ANO3: variants seen among roughly 807,000 people sequenced by gnomAD.
ANO3 encodes the protein anoctamin-3.
A neutral mutation model predicts 144.8 loss-of-function variants in ANO3; 99 were observed. The observed-to-expected ratio is 0.68, with a 90% CI of 0.58 to 0.81. The LOEUF is 0.81. ANO3 is among the 30% of genes least tolerant of loss of function. ANO3 has a pLI of 0.00. For missense variants in ANO3, 905 were observed against 1,202.2 expected, an observed-to-expected ratio of 0.75 and a Z score of 3.66; for synonymous variants, 414 against 392.6, an observed-to-expected ratio of 1.05 and a Z score of -0.64.
At chr11:26,341,794 C>T (rs897757271) in intron 1 of ANO3, among the ~76,000 whole-genome samples, 5 of 152,156 alleles carry the variant, frequency 3.3e-5, no homozygotes, top group Non-Finnish European at 7.3e-5. Context: ...CCCTGGCAAA[C>T]CACTGGTGTA....
intron 1 of ANO3, among the ~76,000 whole-genome samples, chr11:26,270,329 G>T (rs2133835555): frequency 6.6e-6 from 1 of 152,198 alleles, no homozygotes; most frequent in Middle Eastern, 3.4e-3. Context: ...GAGGGTGGTA[G>T]AAACAATCTA....
intron 1 of ANO3, among the ~76,000 whole-genome samples, chr11:26,260,940 G>A (rs1464820319): frequency 6.6e-6 from 1 of 152,058 alleles, no homozygotes; most frequent in Non-Finnish European, 1.5e-5. Flanking sequence ...TGAGGCACAC[G>A]AACCCAGAAA....
intron 4 of ANO3, among the ~76,000 whole-genome samples, chr11:26,502,275 A>G (rs1861227792): frequency 6.6e-6 from 1 of 152,186 alleles, no homozygotes; most frequent in African/African-American, 2.4e-5. Context: ...ATCTCCTGAA[A>G]TGAATCAGTG....
At position 26,467,777 on chromosome 11, in the gene ANO3, C is replaced by A. The variant is rs564683161; in HGVS notation, c.432+4629C>A. 4.0e-5 allele frequency among the ~76,000 whole-genome samples: 6 copies of A among 151,338 alleles called. No homozygotes were observed. In the East Asian group the frequency reaches 7.8e-4, roughly 20 times the overall value. ...CAGATATTTCTTTTATAAAACTTTT[C>A]TTTAAGACCAATTTACTTTCTGTCT... On this transcript the variant is annotated intron_variant, in intron 4 of 26. Coordinates refer to ENST00000256737, the MANE Select transcript of ANO3 (RefSeq NM_031418.4).
intron 1 of ANO3, among the ~76,000 whole-genome samples, chr11:26,246,640 G>T (rs897281034): frequency 2.0e-5 from 3 of 149,440 alleles, no homozygotes; most frequent in Non-Finnish European, 2.9e-5. Context: ...TATAATAATT[G>T]ATATGGTTTG....
chr11:26,531,041 C>G (rs1332848586), intron 7 of ANO3, among the ~76,000 whole-genome samples, 164 bp from the exon 8 acceptor site: 2 of 152,006 alleles, frequency 1.3e-5, no homozygotes, highest in Non-Finnish European at 2.9e-5. Context: ...CTATTTTCTT[C>G]TTTTGTGTGG....
At chr11:26,347,665 G>A (rs1255108652) in intron 1 of ANO3, among the ~76,000 whole-genome samples, 2 of 152,108 alleles carry the variant, frequency 1.3e-5, no homozygotes, top group Non-Finnish European at 1.5e-5. Flanking sequence ...ATTCTTTAAG[G>A]ACAGGGTGGT....
At chr11:26,562,400 T>G (rs951066351) in intron 14 of ANO3, among the ~76,000 whole-genome samples, 2 of 151,760 alleles carry the variant, frequency 1.3e-5, no homozygotes, top group African/African-American at 4.8e-5. Flanking sequence ...GTGACAAGAA[T>G]CCCTTGTGCA....
chr11:26,564,718 C>A lies in ANO3; in HGVS notation c.1447+4939C>A, dbSNP rs1401537002. Among the ~76,000 whole-genome samples the A allele has an allele frequency of 2.7e-5, 2 of 74,924 alleles. 1 individual carries two copies. The highest frequency in any genetic ancestry group is 5.2e-5 in the Non-Finnish European group (2 of 38,750). 49.2% of individuals were successfully genotyped at this position (74,924 alleles called of 152,430 possible). A position where few individuals can be genotyped will look rare whatever the true frequency, so the allele number is the denominator to read the frequency against. On this transcript the variant is annotated intron_variant, in intron 14 of 26. Coordinates refer to ENST00000256737, the MANE Select transcript of ANO3 (RefSeq NM_031418.4). The stretch of plus-strand genomic sequence containing the variant: ...ACACACACACACACACACACACACA[C>A]ACACACACACACACATATATATATA...
intron 1 of ANO3, among the ~76,000 whole-genome samples, chr11:26,284,034 G>T (rs1331513951): frequency 6.6e-6 from 1 of 152,110 alleles, no homozygotes; most frequent in African/African-American, 2.4e-5. Context: ...GGGTGTGTAG[G>T]TGGGTGGTAT....
In ANO3 at chr11:26,332,198, G is replaced by A. The variant is rs1855066024; in HGVS notation, c.-78G>A. On this transcript the variant is annotated 5_prime_UTR_variant, in exon 1 of 27. Coordinates refer to ENST00000256737, the MANE Select transcript of ANO3 (RefSeq NM_031418.4). Reference sequence around the variant, plus strand: ...GCTCGCTGAGGCTCCGGACCTTGGAGCGTCTAGAGTCTGGCTACTGTTCCT... The same window carrying A: ...GCTCGCTGAGGCTCCGGACCTTGGAACGTCTAGAGTCTGGCTACTGTTCCT... 8 of 1,613,254 alleles carry A rather than the reference G, an allele frequency of 5.0e-6. No individual in the cohort carries two copies. Among genetic ancestry groups the A allele is most frequent in the Non-Finnish European group, 6.8e-6 (8 of 1,179,612 alleles).
chr11:26,476,555 G>A (rs757076379), intron 4 of ANO3, among the ~76,000 whole-genome samples: 1 of 152,006 alleles, frequency 6.6e-6, no homozygotes, highest in African/African-American at 2.4e-5. Context: ...ATGCTGCAGG[G>A]GTCTATGAGG....
intron 24 of ANO3, 58 bp from the exon 25 acceptor site, chr11:26,656,067 T>C: frequency 7.5e-7 from 1 of 1,324,816 alleles, no homozygotes. Context: ...TGTAATAAAA[T>C]AATTAGGCTA....
chr11:26,452,908 G>C (rs1480498424), intron 3 of ANO3, among the ~76,000 whole-genome samples: 2 of 152,224 alleles, frequency 1.3e-5, no homozygotes, highest in African/African-American at 4.8e-5. Flanking sequence ...AGCCAGAAGA[G>C]AGTGGGGCCC....
intron 20 of ANO3, among the ~76,000 whole-genome samples, chr11:26,638,174 T>G (rs1853026673): frequency 6.6e-6 from 1 of 152,104 alleles, no homozygotes; most frequent in Non-Finnish European, 1.5e-5. Context: ...CCCACCATCT[T>G]GAGAATGGGC....
chr11:26,409,624 A>G (rs1044913573), intron 1 of ANO3, among the ~76,000 whole-genome samples: 1 of 152,012 alleles, frequency 6.6e-6, no homozygotes, highest in African/African-American at 2.4e-5. Context: ...ACATGTGATG[A>G]AATAATGTGG....
chr11:26,557,352 T>G (rs1044646898), intron 13 of ANO3, among the ~76,000 whole-genome samples: 2 of 151,134 alleles, frequency 1.3e-5, no homozygotes, highest in Admixed American at 1.3e-4. Flanking sequence ...TCCCAGCTAC[T>G]CGGGAGGCTG....
chr11:26,564,732 CATATATATATATATATATATATATATAT>C (rs66510170), intron 14 of ANO3, among the ~76,000 whole-genome samples: 80 of 25,410 alleles, frequency 3.1e-3, no homozygotes, highest in South Asian at 6.3e-3. Flanking sequence ...CACACACACA[CATATATATATATATATATATATATATAT>C]ATATATATAT....
At chr11:26,565,365 G>C (rs1204214902) in intron 14 of ANO3, 1 of 1,612,994 alleles carries the variant, frequency 6.2e-7, no homozygotes, top group East Asian at 2.2e-5. Context: ...AACTGTAATG[G>C]AACTGTTATC....
Sources: allele counts gnomAD v4.1 joint callset (sites outside exome capture counted in the v4.1 genomes callset), GRCh38; gene constraint gnomAD v4.1.1; transcripts MANE v1.5; gene names NCBI Gene and HGNC (gene_info 2026-07-23, HGNC 2026-07-21).